DPP10: variants seen among roughly 807,000 people sequenced by gnomAD.
The protein encoded by DPP10 is dipeptidyl peptidase like 10.
DPP10 carries 33 observed loss-of-function variants against 120.9 expected under a neutral mutation model. That is an observed-to-expected ratio of 0.27 (90% CI 0.21 to 0.37). The LOEUF (loss-of-function observed/expected upper bound fraction) is 0.37. Ranked by LOEUF, DPP10 falls within the 10% of genes least tolerant of loss-of-function variation. The probability of loss-of-function intolerance (pLI) is 1.00; values close to 1 mark genes in which losing one functional copy is unlikely to be tolerated. For missense variants in DPP10, 816 were observed against 942.8 expected, an observed-to-expected ratio of 0.87 and a Z score of 1.76; for synonymous variants, 337 against 326.1, an observed-to-expected ratio of 1.03 and a Z score of -0.36.
intron 1 of DPP10, among the ~76,000 whole-genome samples, chr2:114,917,853 T>C (rs1460164827): frequency 1.3e-5 from 2 of 151,886 alleles, no homozygotes; most frequent in Admixed American, 1.3e-4. Context: ...GTATAAAAAT[T>C]CCTAGGAGAA....
intron 5 of DPP10, among the ~76,000 whole-genome samples, chr2:115,632,423 T>A (rs539779951): frequency 6.6e-6 from 1 of 152,198 alleles, no homozygotes; most frequent in South Asian, 2.1e-4. Context: ...ATTATTATGT[T>A]TGATTTGTGT....
intron 1 of DPP10, among the ~76,000 whole-genome samples, chr2:114,648,144 G>A (rs548257671): frequency 1.4e-4 from 21 of 152,248 alleles, no homozygotes; most frequent in Non-Finnish European, 2.8e-4. Flanking sequence ...ATCACCCTGA[G>A]TCCACTTCTA....
intron 1 of DPP10, among the ~76,000 whole-genome samples, chr2:115,291,121 A>C (rs1188028447): frequency 1.3e-5 from 2 of 152,006 alleles, no homozygotes; most frequent in Non-Finnish European, 2.9e-5. Context: ...CTTTCATCTA[A>C]GCCTCCAGGG....
At chr2:114,868,859 A>C (rs1297463422) in intron 1 of DPP10, among the ~76,000 whole-genome samples, 2 of 152,156 alleles carry the variant, frequency 1.3e-5, no homozygotes, top group Non-Finnish European at 2.9e-5. Context: ...GGTCAACCAG[A>C]GCTGGCTCTG....
chr2:114,713,852 G>T (rs1423173900), intron 1 of DPP10, among the ~76,000 whole-genome samples: 1 of 151,900 alleles, frequency 6.6e-6, no homozygotes, highest in East Asian at 1.9e-4. Context: ...GGGCGTGGTA[G>T]CACATGCCTG....
chr2:115,485,546 C>A (rs2075723247), intron 3 of DPP10, among the ~76,000 whole-genome samples: 1 of 151,452 alleles, frequency 6.6e-6, no homozygotes, highest in Admixed American at 6.6e-5. Context: ...TGCAATACTA[C>A]CAATTTATTC....
chr2:114,899,801 CAA>C (rs201999739), intron 1 of DPP10, among the ~76,000 whole-genome samples: 2 of 150,126 alleles, frequency 1.3e-5, no homozygotes, highest in African/African-American at 4.9e-5. Context: ...ACTAAAAATA[CAA>C]AAAAAAATTA....
intron 4 of DPP10, among the ~76,000 whole-genome samples, chr2:115,500,149 T>C (rs1404448282): frequency 6.6e-6 from 1 of 151,960 alleles, no homozygotes; most frequent in Admixed American, 6.6e-5. Context: ...TTTATATTGG[T>C]CTTAATACAG....
chr2:115,198,240 C>G (rs571107589), intron 1 of DPP10, among the ~76,000 whole-genome samples: 7 of 152,296 alleles, frequency 4.6e-5, no homozygotes, highest in African/African-American at 1.7e-4. Flanking sequence ...TTCCCCAGCT[C>G]GCTCAGAGTA....
Position 115,527,500 on chromosome 2 carries a change from AG to A in DPP10, c.441+1529del, listed in dbSNP as rs532841407. On this transcript the variant is annotated intron_variant, in intron 5 of 25. Transcript: ENST00000410059. ...AAAATTTCTTAAACTGTATACCAAA[AG>A]CACAGTCCAAAGGAGGATAAACTAT... is the stretch of plus-strand genomic sequence containing the variant. Among the ~76,000 whole-genome samples, 34 of 152,320 alleles carry A rather than the reference AG, an allele frequency of 2.2e-4. No homozygotes were observed. The South Asian group carries it at 7.0e-3, about 32-fold the overall frequency.
At chr2:114,883,367 A>C (rs1691802951) in intron 1 of DPP10, among the ~76,000 whole-genome samples, 1 of 152,216 alleles carries the variant, frequency 6.6e-6, no homozygotes, top group Non-Finnish European at 1.5e-5. Flanking sequence ...AATTAAATAC[A>C]GTTTGCCTCC....
chr2:114,677,523 TCA>T (rs1450627602), intron 1 of DPP10, among the ~76,000 whole-genome samples: 1 of 152,094 alleles, frequency 6.6e-6, no homozygotes, highest in African/African-American at 2.4e-5. Flanking sequence ...GCTAGCCACT[TCA>T]CACATAGATC....
chr2:115,402,315 G>A (rs2068129402), intron 3 of DPP10, among the ~76,000 whole-genome samples: 1 of 152,104 alleles, frequency 6.6e-6, no homozygotes, highest in South Asian at 2.1e-4. Flanking sequence ...GGGATTACAA[G>A]CAGGGGTGGA....
chr2:114,840,635 T>TTTATAGAA (rs1462047012), intron 1 of DPP10, among the ~76,000 whole-genome samples: 16 of 152,294 alleles, frequency 1.1e-4, no homozygotes, highest in Middle Eastern at 3.4e-3. Flanking sequence ...AATTTATAGA[T>TTTATAGAA]TTATTCAAGA....
chr2:115,817,199 A>T (rs1687340406), intron 21 of DPP10, among the ~76,000 whole-genome samples: 1 of 151,862 alleles, frequency 6.6e-6, no homozygotes, highest in Non-Finnish European at 1.5e-5. Context: ...GTGAGCCGAG[A>T]TCGAGCCACC....
chr2:114,696,286 T>C (rs764549536), intron 1 of DPP10, among the ~76,000 whole-genome samples: 5 of 152,162 alleles, frequency 3.3e-5, no homozygotes, highest in Admixed American at 6.6e-5. Flanking sequence ...GAAAAAAGAA[T>C]AAATTAATAC....
intron 5 of DPP10, among the ~76,000 whole-genome samples, chr2:115,657,421 A>C (rs1362086045): frequency 6.6e-6 from 1 of 151,808 alleles, no homozygotes; most frequent in African/African-American, 2.4e-5. Context: ...TTAATTTATG[A>C]AACAGAAAAT....
chr2:114,468,289 C>T (rs1558784944), intron 1 of DPP10, among the ~76,000 whole-genome samples: 2 of 150,126 alleles, frequency 1.3e-5, no homozygotes, highest in African/African-American at 2.5e-5. Flanking sequence ...GCAAGAGGTC[C>T]AGATCCCTCT....
In DPP10 at chr2:114,748,374, A is replaced by C. The variant is rs1280155653; in HGVS notation, c.60+305536A>C. On this transcript the variant is annotated intron_variant, in intron 1 of 25. Transcript: ENST00000410059. ...TTATTTTTTTTTATTTTATTTATTT[A>C]TTTATTTATTTATTTATTTATTTAT... 5.9e-5 allele frequency among the ~76,000 whole-genome samples: 6 copies of C among 102,012 alleles called. No homozygotes were observed. In the East Asian group the frequency reaches 1.5e-3, roughly 25 times the overall value. The allele number at this position is 102,012 out of a possible 152,430, so 66.9% of individuals were successfully genotyped here. A position where few individuals can be genotyped will look rare whatever the true frequency, so the allele number is the denominator to read the frequency against.
Sources: gnomAD v4.1 joint callset for allele counts (sites outside exome capture counted in the v4.1 genomes callset) on GRCh38, gnomAD v4.1.1 for gene constraint, MANE v1.5 for transcripts, NCBI Gene and HGNC (gene_info 2026-07-23, HGNC 2026-07-21) for gene names.